The following ABCB4 variants were observed in gnomAD, a reference collection of about 807,000 sequenced individuals.
The protein encoded by ABCB4 is phosphatidylcholine translocator ABCB4.
A neutral mutation model predicts 145.7 loss-of-function variants in ABCB4; 76 were observed. The observed-to-expected ratio is 0.52, with a 90% confidence interval of 0.43 to 0.63. The LOEUF (loss-of-function observed/expected upper bound fraction) is 0.63. Ranked by LOEUF, ABCB4 falls within the 30% of genes least tolerant of loss-of-function variation. ABCB4 has a pLI of 0.00. For missense variants in ABCB4, 1,234 were observed against 1,553.1 expected, an observed-to-expected ratio of 0.79 and a Z score of 3.45; for synonymous variants, 517 against 566.8, an observed-to-expected ratio of 0.91 and a Z score of 1.25.
the ABCB4 span, among the ~76,000 whole-genome samples, chr7:87,388,401 C>T: frequency 6.6e-6 from 1 of 152,142 alleles, no homozygotes; most frequent in Non-Finnish European, 1.5e-5. Flanking sequence ...GTAACCAAAA[C>T]AGCATGTTAC....
chr7:87,387,992 T>C, the ABCB4 span, among the ~76,000 whole-genome samples: 1 of 152,180 alleles, frequency 6.6e-6, no homozygotes, highest in Non-Finnish European at 1.5e-5. Context: ...GCTGCTTCTG[T>C]GTCCACAGTC....
intron 15 of ABCB4, 108 bp from the exon 16 acceptor site, chr7:87,427,028 A>G: frequency 1.0e-6 from 1 of 980,816 alleles, no homozygotes; most frequent in South Asian, 1.4e-5. Flanking sequence ...AGCAATTTGG[A>G]ATATTACATG....
chr7:87,428,916 T>A (rs527824682), intron 15 of ABCB4, among the ~76,000 whole-genome samples: 4 of 152,222 alleles, frequency 2.6e-5, no homozygotes, highest in East Asian at 1.9e-4. Flanking sequence ...TTGGATTTTT[T>A]AAAAAAATGC....
chr7:87,417,808 T>C (rs773780394), intron 20 of ABCB4, among the ~76,000 whole-genome samples: 6 of 152,238 alleles, frequency 3.9e-5, no homozygotes, highest in South Asian at 2.1e-4. Flanking sequence ...TATTTTTTCA[T>C]AGATGCAATG....
At chr7:87,391,715 G>C in the ABCB4 span, 2 of 1,602,764 alleles carry the variant, frequency 1.2e-6, no homozygotes, top group Non-Finnish European at 1.7e-6. Flanking sequence ...CTGTCAATGT[G>C]AGTATTGGAA....
intron 3 of ABCB4, among the ~76,000 whole-genome samples, chr7:87,468,941 T>TAAATAAAATA (rs376156950): frequency 9.3e-4 from 129 of 138,934 alleles, no homozygotes; most frequent in East Asian, 1.5e-3. Context: ...AAAAAATAAA[T>TAAATAAAATA]AAATAAAATA....
In ABCB4 at chr7:87,426,704, C is replaced by G. The variant is rs138467346; in HGVS notation, c.2064+46G>C. 25 of 1,568,920 alleles carry G rather than the reference C, an allele frequency of 1.6e-5. No individual in the cohort carries two copies. The East Asian group carries it at 5.2e-4, about 32-fold the overall frequency. ...AGGCTAAGAATTTCAATAATTGTAG[C>G]AAAACTACAAAGTAAAAGACTTAAT... On this transcript the variant is annotated intron_variant, in intron 16 of 27. Coordinates refer to ENST00000649586, the MANE Select transcript of ABCB4 (RefSeq NM_000443.4).
chr7:87,431,083 C>T (rs1050378353), intron 15 of ABCB4, among the ~76,000 whole-genome samples: 12 of 152,222 alleles, frequency 7.9e-5, no homozygotes, highest in African/African-American at 2.9e-4. Context: ...TCGGACAAGT[C>T]GAAACACTTT....
At chr7:87,475,938 C>T (rs904309790), upstream of ABCB4, among the ~76,000 whole-genome samples, 2 of 152,168 alleles carry the variant, frequency 1.3e-5, no homozygotes, top group African/African-American at 4.8e-5. Context: ...CCAGCCCGGT[C>T]GCAGGATAAG....
At chr7:87,413,838 T>C (rs985705750) in intron 21 of ABCB4, 121 bp from the exon 22 acceptor site, 3 of 741,976 alleles carry the variant, frequency 4.0e-6, no homozygotes, top group Non-Finnish European at 7.2e-6. Context: ...TTAATTTCCT[T>C]TAAATTAAAA....
In ABCB4 at chr7:87,447,087, A is replaced by G. The variant is rs1811395112; in HGVS notation, c.952T>C (p.Tyr318His). The G allele has an allele frequency of 6.2e-7, 1 of 1,613,840 alleles. No individual in the cohort carries two copies. The highest frequency in any genetic ancestry group is 8.5e-7 in the Non-Finnish European group (1 of 1,179,878). Residue 318 changes from tyrosine (Y) to histidine (H), a missense_variant, in exon 9 of 28, where the codon TAT (tyrosine) becomes CAT (histidine). Tyr to His is a moderately conservative substitution (Grantham distance 83). Around this residue, in one of 7 missense-constraint regions of ABCB4, gnomAD observed 467 missense variants for 632.8 expected, o/e 0.74. Coordinates refer to ENST00000649586, the MANE Select transcript of ABCB4 (RefSeq NM_000443.4). ...TTTGATATGACTAGAGTGGATCCAT[A>G]CCAGAAGGCCAGTGCATATGATGCA... is the stretch of plus-strand genomic sequence containing the variant. ...IYASYALAFW[Y>H]GSTLVISKEY...
chr7:87,451,875 A>G (rs1811755828), intron 6 of ABCB4, 81 bp from the exon 7 acceptor site: 2 of 1,396,470 alleles, frequency 1.4e-6, no homozygotes, highest in Non-Finnish European at 2.0e-6. Flanking sequence ...AAACACATAG[A>G]CAAGTAAAAT....
the ABCB4 span, among the ~76,000 whole-genome samples, chr7:87,373,381 CT>C: frequency 6.6e-6 from 1 of 152,002 alleles, no homozygotes; most frequent in Non-Finnish European, 1.5e-5. Context: ...TGGCTTTTCA[CT>C]TTCTTGATGG....
the ABCB4 span, among the ~76,000 whole-genome samples, chr7:87,395,758 G>A: frequency 6.6e-6 from 1 of 152,082 alleles, no homozygotes; most frequent in Non-Finnish European, 1.5e-5. Context: ...AGAACCCCAT[G>A]ATTTAAACAC....
chr7:87,444,605 C>G lies in ABCB4; in HGVS notation c.1119+257G>C, dbSNP rs543031076. Among the ~76,000 whole-genome samples the G allele has an allele frequency of 2.6e-5, 4 of 152,246 alleles. No individual in the cohort carries two copies. In the South Asian group the frequency reaches 8.3e-4, roughly 32 times the overall value. On this transcript the variant is annotated intron_variant, in intron 10 of 27. Coordinates refer to ENST00000649586, the MANE Select transcript of ABCB4 (RefSeq NM_000443.4). ...AAAACTAGGAAGAGAAACGTCTTTG[C>G]TCTGCACTAGTGCAGATGTCCTTTT...
chr7:87,406,048 C>T, intron 26 of ABCB4: 1 of 573,128 alleles, frequency 1.7e-6, no homozygotes, highest in South Asian at 2.0e-5. Context: ...ATGCAGCCCT[C>T]AACCACCAGT....
chr7:87,405,982 A>G (rs1808157327), intron 26 of ABCB4: 1 of 428,484 alleles, frequency 2.3e-6, no homozygotes, highest in Non-Finnish European at 4.3e-6. Context: ...TCAAAATAAA[A>G]ACTATAATTG....
intron 14 of ABCB4, among the ~76,000 whole-genome samples, chr7:87,438,324 C>G (rs45619638): frequency 0.011 from 1,748 of 152,220 alleles, 42 homozygotes; most frequent in African/African-American, 0.04. Flanking sequence ...ATATACCAGT[C>G]TCATATGCAT....
chr7:87,420,238 A>G (rs559106645), intron 18 of ABCB4, among the ~76,000 whole-genome samples, 163 bp from the exon 19 acceptor site: 1 of 152,316 alleles, frequency 6.6e-6, no homozygotes, highest in South Asian at 2.1e-4. Flanking sequence ...TGAATCAAGC[A>G]TGCAACCATA....
Sources: gnomAD v4.1 joint callset for allele counts (sites outside exome capture counted in the v4.1 genomes callset) on GRCh38, gnomAD v4.1.1 for gene constraint, gnomAD v4.1.1 regional missense constraint, MANE v1.5 for transcripts, NCBI Gene and HGNC (gene_info 2026-07-23, HGNC 2026-07-21) for gene names.